The following PRH1 variants were observed in gnomAD, a reference collection of about 807,000 sequenced individuals.
PRH1 encodes the protein proline rich protein HaeIII subfamily 1.
PRH1 carries 7 observed loss-of-function variants against 7.9 expected under a neutral mutation model. The observed-to-expected ratio is 0.89, with a 90% CI of 0.50 to 1.67. The LOEUF (loss-of-function observed/expected upper bound fraction) is 1.67. PRH1 is among the 40% of genes most tolerant of loss of function. PRH1 has a pLI of 0.00. For synonymous variants in PRH1, 45 were observed against 80.8 expected, an observed-to-expected ratio of 0.56 and a Z score of 2.38; for missense variants, 109 against 223.6, an observed-to-expected ratio of 0.49 and a Z score of 3.27.
chr12:10,888,771 C>A (rs1949530202), upstream of PRH1, among the ~76,000 whole-genome samples: 1 of 152,172 alleles, frequency 6.6e-6, no homozygotes, highest in Non-Finnish European at 1.5e-5. Flanking sequence ...TTTTACTTTA[C>A]ATGTACATAG....
intron 1 of PRH1, among the ~76,000 whole-genome samples, chr12:11,053,009 T>C (rs1315692810): frequency 1.3e-5 from 2 of 152,282 alleles, no homozygotes; most frequent in African/African-American, 4.8e-5. Context: ...GAGAATAGAA[T>C]AAAAGCTTTG....
intron 3 of PRH1, among the ~76,000 whole-genome samples, chr12:10,881,503 T>C (rs1344181497): frequency 1.3e-5 from 2 of 152,144 alleles, no homozygotes; most frequent in Admixed American, 6.5e-5. Context: ...CTAAATGAAC[T>C]CATGAGAAAG....
chr12:10,886,490 T>C (rs1195299855), upstream of PRH1, among the ~76,000 whole-genome samples: 1 of 152,030 alleles, frequency 6.6e-6, no homozygotes, highest in African/African-American at 2.4e-5. Context: ...AGCATAAATA[T>C]CAGCTATGCT....
intron 2 of PRH1, among the ~76,000 whole-genome samples, chr12:10,959,507 A>AC (rs1257187467): frequency 6.6e-6 from 1 of 152,150 alleles, no homozygotes; most frequent in Non-Finnish European, 1.5e-5. Context: ...TGTACACAAA[A>AC]ATTAACTCAT....
intron 1 of PRH1, among the ~76,000 whole-genome samples, chr12:10,979,807 T>C (rs1013035828): frequency 1.3e-5 from 2 of 152,158 alleles, no homozygotes; most frequent in African/African-American, 2.4e-5. Context: ...TCTATAAAAT[T>C]TGCTGAGATG....
intron 2 of PRH1, among the ~76,000 whole-genome samples, chr12:10,935,580 A>G (rs928443048): frequency 3.9e-5 from 6 of 152,090 alleles, no homozygotes; most frequent in Non-Finnish European, 7.4e-5. Flanking sequence ...TCCTCTACTC[A>G]GTAATACCCA....
chr12:10,930,383 T>C lies in PRH1; in HGVS notation c.-59+43272A>G, dbSNP rs900880833. On this transcript the variant is annotated intron_variant, in intron 2 of 3. Coordinates refer to the PRH1 transcript ENST00000539853. ...TGATCAGTTCTCCAGTGTCTTCTTATCATCCTTGTCAGGAATTGGCTAATA... is the reference window on the plus strand; with the variant it reads ...TGATCAGTTCTCCAGTGTCTTCTTACCATCCTTGTCAGGAATTGGCTAATA... 11 of 1,549,266 alleles carry C rather than the reference T, an allele frequency of 7.1e-6. No homozygotes were observed. In the East Asian group the frequency reaches 9.0e-5, roughly 13 times the overall value.
chr12:11,089,364 T>C (rs1944805900), intron 1 of PRH1, among the ~76,000 whole-genome samples: 1 of 115,818 alleles, frequency 8.6e-6, no homozygotes, highest in South Asian at 2.4e-4. Context: ...ACATTCTCCC[T>C]CCTCTCTCAC....
chr12:10,913,348 G>C (rs768786276), intron 2 of PRH1, among the ~76,000 whole-genome samples: 1 of 152,006 alleles, frequency 6.6e-6, no homozygotes, highest in Non-Finnish European at 1.5e-5. Context: ...CCAGCTACTC[G>C]GGAGGCAGAG....
chr12:11,013,295 C>A (rs1034604750), intron 1 of PRH1, among the ~76,000 whole-genome samples: 4 of 152,090 alleles, frequency 2.6e-5, no homozygotes, highest in African/African-American at 7.2e-5. Flanking sequence ...CAGAAATTAA[C>A]ACTGACATTG....
chr12:11,128,142 A>G (rs1402573442), intron 1 of PRH1, among the ~76,000 whole-genome samples: 1 of 151,364 alleles, frequency 6.6e-6, no homozygotes, highest in African/African-American at 2.4e-5. Flanking sequence ...AAAAAGAAAA[A>G]CCTCAACAAT....
rs779734571 is a variant in PRH1 at position 10,986,551 on chromosome 12, T to C, written c.-125-12830A>G. 13 of 1,613,986 alleles carry C rather than the reference T, an allele frequency of 8.1e-6. No homozygotes were observed. Among genetic ancestry groups the C allele is most frequent in the Non-Finnish European group, 1.0e-5 (12 of 1,180,020 alleles). On this transcript the variant is annotated intron_variant, in intron 1 of 3. Transcript: ENST00000539853. ...TTGGCAATCTTGAGCAAATAAAATA[T>C]GCTGAGGTTAGCAGCAAGCCACATG...
intron 1 of PRH1, among the ~76,000 whole-genome samples, chr12:11,112,888 T>A (rs889982572): frequency 6.6e-6 from 1 of 152,176 alleles, no homozygotes; most frequent in Non-Finnish European, 1.5e-5. Context: ...CAGGATTGTA[T>A]ATTTAGAAAA....
intron 2 of PRH1, among the ~76,000 whole-genome samples, chr12:10,915,138 AAAAC>A (rs1299966722): frequency 6.6e-6 from 1 of 152,224 alleles, no homozygotes; most frequent in Non-Finnish European, 1.5e-5. Context: ...AAAAAAACAA[AAAAC>A]AAACAAACAA....
At chr12:10,953,533 C>G (rs1937791640) in intron 2 of PRH1, among the ~76,000 whole-genome samples, 1 of 152,162 alleles carries the variant, frequency 6.6e-6, no homozygotes, top group Non-Finnish European at 1.5e-5. Flanking sequence ...GAGTAGTCCT[C>G]TGAAATTACT....
intron 1 of PRH1, among the ~76,000 whole-genome samples, chr12:11,115,172 A>G (rs1376434308): frequency 1.3e-5 from 2 of 152,178 alleles, no homozygotes; most frequent in Non-Finnish European, 2.9e-5. Context: ...CACTTTGTCT[A>G]TAAAGACATG....
chr12:10,918,778 C>T lies in PRH1; in HGVS notation c.-58-34503G>A, dbSNP rs940537355. On this transcript the variant is annotated intron_variant, in intron 2 of 3. Coordinates refer to the PRH1 transcript ENST00000539853. ...TTACCATAGTACTATACTAAACTTA[C>T]GTTTTTGTTTAAATGTGAGGCTGAA... 3.9e-5 allele frequency among the ~76,000 whole-genome samples: 6 copies of T among 152,230 alleles called. No individual in the cohort carries two copies. In the South Asian group the frequency reaches 8.3e-4, roughly 21 times the overall value.
intron 1 of PRH1, among the ~76,000 whole-genome samples, chr12:10,991,823 G>A (rs1403270783): frequency 6.6e-6 from 1 of 152,176 alleles, no homozygotes; most frequent in East Asian, 1.9e-4. Flanking sequence ...AATCAGGAGA[G>A]GGCAGCATCC....
intron 1 of PRH1, among the ~76,000 whole-genome samples, chr12:11,168,671 T>C (rs1158135907): frequency 6.6e-6 from 1 of 152,118 alleles, no homozygotes; most frequent in Non-Finnish European, 1.5e-5. Context: ...TCCTACTATC[T>C]GGAAAAGCAT....
Sources: allele counts gnomAD v4.1 joint callset (sites outside exome capture counted in the v4.1 genomes callset), GRCh38; gene constraint gnomAD v4.1.1; transcripts MANE v1.5; gene names NCBI Gene and HGNC (gene_info 2026-07-23, HGNC 2026-07-21).